The following NLGN1 variants were observed in gnomAD, a reference collection of about 807,000 sequenced individuals.
The protein encoded by NLGN1 is neuroligin 1.
NLGN1 carries 12 observed loss-of-function variants against 65.5 expected under a neutral mutation model. The observed-to-expected ratio is 0.18, with a 90% CI of 0.12 to 0.30. The LOEUF (loss-of-function observed/expected upper bound fraction) is 0.30. Ranked by LOEUF, NLGN1 falls within the 10% of genes least tolerant of loss-of-function variation. NLGN1 has a pLI of 1.00. For missense variants in NLGN1, 750 were observed against 1,007.1 expected (o/e 0.74, Z 3.46); for synonymous variants, 350 against 359.5 (o/e 0.97, Z 0.30).
In NLGN1 at chr3:173,632,844, TTTTTG is replaced by T. The variant is rs1438240464; in HGVS notation, c.493+27758_493+27762del. ...AAGTCCTCCTTGAGTAGTGTTTTTTTTTTTGTTTTTTTTTTTTTTTTTTAATAGTT... is the reference window on the plus strand; with the variant it reads ...AAGTCCTCCTTGAGTAGTGTTTTTTTTTTTTTTTTTTTTTTTTTAATAGTT... On this transcript the variant is annotated intron_variant, in intron 3 of 6. Transcript: ENST00000457714. Among the ~76,000 whole-genome samples the T allele has an allele frequency of 8.1e-5, 7 of 86,072 alleles. No individual in the cohort carries two copies. The South Asian group carries it at 2.2e-3, about 27-fold the overall frequency. The allele number at this position is 86,072 out of a possible 152,430, so 56.5% of individuals were successfully genotyped here. A position where few individuals can be genotyped will look rare whatever the true frequency, so the allele number is the denominator to read the frequency against.
intron 4 of NLGN1, among the ~76,000 whole-genome samples, chr3:174,118,094 CTTATTT>C (rs1240983081): frequency 5.3e-5 from 8 of 152,122 alleles, no homozygotes; most frequent in Non-Finnish European, 1.5e-5. Flanking sequence ...ATTTTTCTCT[CTTATTT>C]TTATTTTTTA....
intron 1 of NLGN1, chr3:173,399,992 C>T (rs1391923191): frequency 6.6e-6 from 1 of 152,090 alleles, no homozygotes; most frequent in African/African-American, 2.4e-5. Context: ...TATTTTTACA[C>T]AAAGGAGTTA....
chr3:174,007,326 T>A (rs967469478), intron 4 of NLGN1, among the ~76,000 whole-genome samples: 9 of 152,180 alleles, frequency 5.9e-5, no homozygotes, highest in African/African-American at 1.9e-4. Context: ...CCTAGCAAAT[T>A]CATACATACT....
At chr3:173,510,508 A>T (rs916971117) in intron 2 of NLGN1, among the ~76,000 whole-genome samples, 36 of 152,278 alleles carry the variant, frequency 2.4e-4, no homozygotes, top group Non-Finnish European at 5.9e-5. Flanking sequence ...GGAGGTTTTC[A>T]TTTGCTATTG....
chr3:173,777,676 T>C (rs1780522891), intron 3 of NLGN1, among the ~76,000 whole-genome samples: 1 of 151,024 alleles, frequency 6.6e-6, no homozygotes, highest in African/African-American at 2.4e-5. Flanking sequence ...TATCTATCTA[T>C]CCATCCCATT....
intron 4 of NLGN1, among the ~76,000 whole-genome samples, chr3:174,237,533 A>G (rs1318071721): frequency 6.6e-6 from 1 of 152,088 alleles, no homozygotes; most frequent in Non-Finnish European, 1.5e-5. Context: ...TATTGTTTTT[A>G]TATGTAAATA....
intron 4 of NLGN1, among the ~76,000 whole-genome samples, chr3:173,942,499 G>A (rs986592938): frequency 6.6e-6 from 1 of 152,132 alleles, no homozygotes; most frequent in African/African-American, 2.4e-5. Context: ...TTACCAGCAT[G>A]TATCCTGAGC....
At chr3:173,588,020 A>C (rs540451333) in intron 2 of NLGN1, among the ~76,000 whole-genome samples, 12 of 152,328 alleles carry the variant, frequency 7.9e-5, no homozygotes, top group African/African-American at 2.6e-4. Flanking sequence ...TGACTTGTTG[A>C]AATTTAACAC....
chr3:174,044,159 G>A (rs1016695148), intron 4 of NLGN1, among the ~76,000 whole-genome samples: 3 of 152,154 alleles, frequency 2.0e-5, no homozygotes, highest in African/African-American at 4.8e-5. Context: ...CACCTGGGGA[G>A]CCCTGGGCCT....
intron 4 of NLGN1, among the ~76,000 whole-genome samples, chr3:173,811,596 A>C (rs1717956645): frequency 6.6e-6 from 1 of 151,222 alleles, no homozygotes; most frequent in South Asian, 2.1e-4. Flanking sequence ...GGAAGAAAAG[A>C]AGAGAAAAGA....
intron 4 of NLGN1, among the ~76,000 whole-genome samples, chr3:174,035,728 G>T (rs1264382946): frequency 2.0e-5 from 3 of 152,154 alleles, no homozygotes; most frequent in Non-Finnish European, 4.4e-5. Context: ...TGCCGATCTG[G>T]CTGGAGTCCA....
intron 4 of NLGN1, among the ~76,000 whole-genome samples, chr3:173,928,249 C>T (rs1743382185): frequency 1.3e-5 from 2 of 152,178 alleles, no homozygotes; most frequent in Non-Finnish European, 2.9e-5. Flanking sequence ...TTTTAAGTGA[C>T]AGAGTCTTCT....
At chr3:173,715,276 T>C (rs1358237839) in intron 3 of NLGN1, among the ~76,000 whole-genome samples, 1 of 152,208 alleles carries the variant, frequency 6.6e-6, no homozygotes, top group Non-Finnish European at 1.5e-5. Flanking sequence ...AGAATATATG[T>C]TACTCATGTT....
chr3:174,074,677 A>G (rs552525173), intron 4 of NLGN1, among the ~76,000 whole-genome samples: 29 of 152,322 alleles, frequency 1.9e-4, no homozygotes, highest in African/African-American at 7.0e-4. Context: ...TTATTTTACC[A>G]CAAACATTGA....
At chr3:174,246,224 A>G (rs1561378821) in intron 4 of NLGN1, among the ~76,000 whole-genome samples, 1 of 152,208 alleles carries the variant, frequency 6.6e-6, no homozygotes, top group Admixed American at 6.5e-5. Flanking sequence ...CTACATTTTT[A>G]CTTACCTATT....
chr3:173,745,299 T>G, intron 3 of NLGN1, among the ~76,000 whole-genome samples: 1 of 152,114 alleles, frequency 6.6e-6, no homozygotes, highest in East Asian at 1.9e-4. Context: ...ATTCTTTTCC[T>G]TTCTTATCTC....
At chr3:173,955,406 G>A (rs892818565) in intron 4 of NLGN1, among the ~76,000 whole-genome samples, 3 of 152,146 alleles carry the variant, frequency 2.0e-5, no homozygotes, top group Admixed American at 6.6e-5. Context: ...AAAATGAGGT[G>A]CCATATTTTT....
chr3:173,787,169 C>A (rs1782118428), intron 3 of NLGN1, among the ~76,000 whole-genome samples: 1 of 151,978 alleles, frequency 6.6e-6, no homozygotes, highest in Non-Finnish European at 1.5e-5. Flanking sequence ...CTCAAAATTG[C>A]AGCTTCTCTT....
chr3:174,071,123 A>G (rs1166664583), intron 4 of NLGN1, among the ~76,000 whole-genome samples: 1 of 152,180 alleles, frequency 6.6e-6, no homozygotes, highest in African/African-American at 2.4e-5. Flanking sequence ...TTGAAAATTT[A>G]CGTAGGAAAA....
Sources: allele counts gnomAD v4.1 joint callset (sites outside exome capture counted in the v4.1 genomes callset), GRCh38; gene constraint gnomAD v4.1.1; transcripts MANE v1.5; gene names NCBI Gene and HGNC (gene_info 2026-07-23, HGNC 2026-07-21).